The following COL5A1 variants were observed in gnomAD, a reference collection of about 807,000 sequenced individuals.
COL5A1 encodes collagen type V alpha 1 chain.
A neutral mutation model predicts 263.7 loss-of-function variants in COL5A1; 16 were observed. The observed-to-expected ratio is 0.06, with a 90% CI of 0.04 to 0.09. The LOEUF (loss-of-function observed/expected upper bound fraction) is 0.09. Ranked by LOEUF, COL5A1 falls within the 10% of genes least tolerant of loss-of-function variation. COL5A1 has a pLI of 1.00. For missense variants in COL5A1, 2,036 were observed against 2,540.5 expected, an observed-to-expected ratio of 0.80 and a Z score of 4.27; for synonymous variants, 1,012 against 1,004.5, an observed-to-expected ratio of 1.01 and a Z score of -0.14.
Position 134,768,395 on chromosome 9 carries a change from T to A in COL5A1, c.2233-15T>A, listed in dbSNP as rs755202254. On this transcript the variant is annotated splice_polypyrimidine_tract_variant and intron_variant, in intron 24 of 65. Coordinates refer to ENST00000371817, the MANE Select transcript of COL5A1 (RefSeq NM_000093.5). Reference sequence around the variant, plus strand: ...AGGGAGGGCATCTCCTCATGGAGTCTCTGGTTTGTTCTAGGGTCCCTTGGG... The same window carrying A: ...AGGGAGGGCATCTCCTCATGGAGTCACTGGTTTGTTCTAGGGTCCCTTGGG... 1 of 1,613,528 alleles carries A rather than the reference T, an allele frequency of 6.2e-7. No individual in the cohort carries two copies. Among genetic ancestry groups the A allele is most frequent in the Admixed American group, 1.7e-5 (1 of 60,026 alleles).
chr9:134,758,389 C>A lies in COL5A1; in HGVS notation c.1935+93C>A. 1.5e-6 allele frequency: 2 copies of A among 1,335,988 alleles called. No individual in the cohort carries two copies. The highest frequency in any genetic ancestry group is 2.1e-6 in the Non-Finnish European group (2 of 932,938). 82.8% of individuals were successfully genotyped at this position (1,335,988 alleles called of 1,614,324 possible). ...CTCCTTCCAGGCAGCCTCAGATTTC[C>A]TGTGGGGTCAGGTCTCCGCCATTCC... is the stretch of plus-strand genomic sequence containing the variant. On this transcript the variant is annotated intron_variant, in intron 18 of 65. Coordinates refer to ENST00000371817, the MANE Select transcript of COL5A1 (RefSeq NM_000093.5). This position sits in a 1 kb window ranked among gnomAD's most constrained non-coding sequence, Gnocchi z 4.1.
chr9:134,769,623 G>A (rs1836802147), intron 25 of COL5A1, among the ~76,000 whole-genome samples: 1 of 152,250 alleles, frequency 6.6e-6, no homozygotes, highest in Admixed American at 6.5e-5. Context: ...CCGTGCTGCT[G>A]GCTGTGGTGT....
At chr9:134,663,987 G>C (rs537603245) in intron 1 of COL5A1, among the ~76,000 whole-genome samples, 108 of 152,306 alleles carry the variant, frequency 7.1e-4, no homozygotes, top group African/African-American at 2.6e-3. Flanking sequence ...GGGGGTGCTG[G>C]GCAAGCAGCA....
At chr9:134,737,973 A>T (rs929125098) in intron 9 of COL5A1, among the ~76,000 whole-genome samples, 2 of 152,008 alleles carry the variant, frequency 1.3e-5, no homozygotes, top group African/African-American at 2.4e-5. Flanking sequence ...CGGGGTCTGG[A>T]GGTTGCAGCC....
At chr9:134,644,565 G>A (rs1446253594) in intron 1 of COL5A1, among the ~76,000 whole-genome samples, 7 of 143,938 alleles carry the variant, frequency 4.9e-5, no homozygotes, top group African/African-American at 1.9e-4. Context: ...GGGAGGGGGC[G>A]GCTGTCCACT....
intron 29 of COL5A1, among the ~76,000 whole-genome samples, chr9:134,783,376 G>GT (rs1837331975): frequency 6.6e-6 from 1 of 152,248 alleles, no homozygotes; most frequent in Admixed American, 6.5e-5. Context: ...ACCACAGAAA[G>GT]TGACGGGCTG....
intron 34 of COL5A1, among the ~76,000 whole-genome samples, chr9:134,795,642 C>A (rs1837880727): frequency 6.6e-6 from 1 of 152,184 alleles, no homozygotes; most frequent in Non-Finnish European, 1.5e-5. Context: ...TCGGGAGGCC[C>A]CATTTCCTCT....
chr9:134,729,619 T>C (rs12683141), intron 6 of COL5A1, among the ~76,000 whole-genome samples: 456 of 6,222 alleles, frequency 0.073, 20 homozygotes, highest in East Asian at 0.12. Context: ...CATGAGCCTG[T>C]GTGTGTGAGC....
intron 1 of COL5A1, among the ~76,000 whole-genome samples, chr9:134,684,252 C>G (rs372464523): frequency 6.6e-6 from 1 of 152,152 alleles, no homozygotes; most frequent in Non-Finnish European, 1.5e-5. Context: ...TTTAAGTTCC[C>G]GCTAAAAGCA....
intron 1 of COL5A1, among the ~76,000 whole-genome samples, chr9:134,672,199 T>C (rs931556222): frequency 6.6e-6 from 1 of 152,258 alleles, no homozygotes; most frequent in Non-Finnish European, 1.5e-5. Flanking sequence ...TAGATGCCAA[T>C]TGGCATTTAT....
chr9:134,783,996 C>T (rs562045601), intron 29 of COL5A1, among the ~76,000 whole-genome samples: 27 of 152,298 alleles, frequency 1.8e-4, no homozygotes, highest in Admixed American at 1.3e-3. Flanking sequence ...GCCAGGGCTC[C>T]GAGAGTGGAG....
At chr9:134,739,086 C>T (rs1308901225) in intron 11 of COL5A1, among the ~76,000 whole-genome samples, 10 of 152,362 alleles carry the variant, frequency 6.6e-5, no homozygotes, top group Admixed American at 4.6e-4. Context: ...GCCCAGCAAA[C>T]GGCCGCAGCA....
intron 11 of COL5A1, among the ~76,000 whole-genome samples, chr9:134,746,471 C>T (rs140238612): frequency 5.1e-4 from 78 of 152,316 alleles, no homozygotes; most frequent in African/African-American, 1.7e-3. Context: ...GAGGTTGAGC[C>T]GAGGGTCTCG....
chr9:134,830,700 C>T (rs1017021619), intron 64 of COL5A1, among the ~76,000 whole-genome samples: 3 of 152,212 alleles, frequency 2.0e-5, no homozygotes. Flanking sequence ...GTACGAGTCA[C>T]GTTTTCACTT....
chr9:134,821,349 A>G lies in COL5A1; in HGVS notation c.4555-748A>G, dbSNP rs1325938241. On this transcript the variant is annotated intron_variant, in intron 58 of 65. Coordinates refer to ENST00000371817, the MANE Select transcript of COL5A1 (RefSeq NM_000093.5). The surrounding 1 kb of genome is among the most constrained non-coding windows in gnomAD (Gnocchi z 4.2). ...GGGTAGTTGTGGGGTCCTTACAATG[A>G]GCCACAGCCCAAGTTCCTGCAGGGA... Among the ~76,000 whole-genome samples, 1 of 152,118 alleles carries G rather than the reference A, an allele frequency of 6.6e-6. No homozygotes were observed. Among genetic ancestry groups the G allele is most frequent in the East Asian group, 1.9e-4 (1 of 5,188 alleles).
At chr9:134,733,296 C>A (rs3109678) in intron 9 of COL5A1, among the ~76,000 whole-genome samples, 11,806 of 152,274 alleles carry the variant, frequency 0.078, 568 homozygotes, top group Admixed American at 0.14. Flanking sequence ...CCTGGAATCT[C>A]TTTGAAGCCC....
chr9:134,701,472 G>A, intron 4 of COL5A1, 139 bp downstream of exon 4: 1 of 849,242 alleles, frequency 1.2e-6, no homozygotes, highest in Non-Finnish European at 1.9e-6. Flanking sequence ...TTGGTCAGAA[G>A]CCTCTGCTGC....
At chr9:134,722,996 T>C (rs888976571) in intron 4 of COL5A1, among the ~76,000 whole-genome samples, 1 of 152,326 alleles carries the variant, frequency 6.6e-6, no homozygotes, top group African/African-American at 2.4e-5. Context: ...CCCAGTTTAC[T>C]GTGATGGGGT....
intron 1 of COL5A1, among the ~76,000 whole-genome samples, chr9:134,679,626 C>T (rs867017914): frequency 0.042 from 1,402 of 33,100 alleles, 115 homozygotes; most frequent in African/African-American, 0.1. Flanking sequence ...GGGGGCACTG[C>T]GGGGCTTCTT....
Sources: allele counts gnomAD v4.1 joint callset (sites outside exome capture counted in the v4.1 genomes callset), GRCh38; gene constraint gnomAD v4.1.1; non-coding constraint Gnocchi (gnomAD v3.1); transcripts MANE v1.5; gene names NCBI Gene and HGNC (gene_info 2026-07-23, HGNC 2026-07-21).